Variants in FRS3 observed in about 807,000 individuals in gnomAD.
FRS3 encodes fibroblast growth factor receptor substrate 3.
In FRS3, 17 loss-of-function variants were observed where a neutral mutation model predicts 41.9. That is an observed-to-expected ratio of 0.41 (90% CI 0.28 to 0.61). The LOEUF is 0.61. Among genes scored for constraint, FRS3 ranks in the 20% least tolerant of loss-of-function variants. The pLI, the probability that FRS3 is intolerant of heterozygous loss-of-function variation, is 0.36. For synonymous variants in FRS3, 287 were observed against 274.5 expected (o/e 1.05, Z -0.45); for missense variants, 619 against 672.1 (o/e 0.92, Z 0.87).
intron 4 of FRS3, among the ~76,000 whole-genome samples, chr6:41,773,550 G>A (rs985997230): frequency 2.0e-5 from 3 of 152,018 alleles, no homozygotes; most frequent in Non-Finnish European, 4.4e-5. Context: ...GGATGTGTGT[G>A]TTCAGGGGTC....
chr6:41,770,349 C>T lies in FRS3; in HGVS notation c.*270G>A, dbSNP rs1581965720. ...AAGACAAATGGACAGAACGGGAGGG[C>T]GCTAAACGCAATCACAGGAACCCTT... On this transcript the variant is annotated 3_prime_UTR_variant, in exon 7 of 7. Coordinates refer to ENST00000373018, the MANE Select transcript of FRS3 (RefSeq NM_006653.5). The T allele has an allele frequency of 1.5e-5, 8 of 539,802 alleles. No homozygotes were observed. Among genetic ancestry groups the T allele is most frequent in the East Asian group, 3.1e-5 (1 of 32,180 alleles). 33.4% of individuals were successfully genotyped at this position (539,802 alleles called of 1,614,324 possible).
chr6:41,773,903 A>G (rs1485151830), intron 4 of FRS3, among the ~76,000 whole-genome samples: 4 of 151,998 alleles, frequency 2.6e-5, no homozygotes, highest in South Asian at 2.1e-4. Context: ...GAAAAAAAAC[A>G]AAACCAAAAG....
chr6:41,777,232 G>C (rs141406213), intron 2 of FRS3, among the ~76,000 whole-genome samples: 133 of 152,328 alleles, frequency 8.7e-4, no homozygotes, highest in African/African-American at 3.1e-3. Flanking sequence ...AATGCCGATG[G>C]GGGGCTGGAG....
chr6:41,771,808 G>C lies in FRS3; in HGVS notation c.564+8C>G. The C allele has an allele frequency of 1.3e-6, 2 of 1,550,414 alleles. No homozygotes were observed. ...AACAGGGCAGGGGCTGGCCGGCTGC[G>C]TGCTCACCTGCTCATCAGGAGCAAT... is the stretch of plus-strand genomic sequence containing the variant. On this transcript the variant is annotated splice_region_variant and intron_variant, in intron 6 of 6. Transcript: ENST00000373018.
chr6:41,777,877 G>A, intron 2 of FRS3, 156 bp downstream of exon 2: 1 of 152,464 alleles, frequency 6.6e-6, no homozygotes, highest in Non-Finnish European at 1.5e-5. Flanking sequence ...AGTTTTAAGG[G>A]GTTGCAACTT....
chr6:41,770,517 C>A lies in FRS3; in HGVS notation c.*102G>T. ...TCTGGTCCCACCTCCATGCCTTCTGCAAAGCAACCCTGAACCCTGGGGAGG... is the reference window on the plus strand; with the variant it reads ...TCTGGTCCCACCTCCATGCCTTCTGAAAAGCAACCCTGAACCCTGGGGAGG... On this transcript the variant is annotated 3_prime_UTR_variant, in exon 7 of 7. Transcript: ENST00000373018. The A allele has an allele frequency of 8.1e-7, 1 of 1,229,374 alleles. No individual in the cohort carries two copies. The highest frequency in any genetic ancestry group is 1.2e-6 in the Non-Finnish European group (1 of 851,798). 76.2% of individuals were successfully genotyped at this position (1,229,374 alleles called of 1,614,324 possible).
In FRS3 at chr6:41,771,883, G is replaced by C; in HGVS notation, c.497C>G (p.Thr166Arg). The change falls in exon 6 of 7, where the codon ACA (threonine) becomes AGA (arginine). Residue 166 changes from threonine (T) to arginine (R), a missense_variant. By Grantham distance (71) the Thr-to-Arg change is moderately conservative. Transcript: ENST00000373018. Reference protein sequence around the residue: ...PRFSAPRRLSTSSLRHPSLGE... With the variant: ...PRFSAPRRLSRSSLRHPSLGE... ...AAGCGAGGGGTGCCGCAGGCTGCTT[G>C]TCGAGAGCCGCCGGGGAGCTGAGAA... The C allele has an allele frequency of 1.3e-6, 2 of 1,554,346 alleles. No individual in the cohort carries two copies. The highest frequency in any genetic ancestry group is 1.7e-6 in the Non-Finnish European group (2 of 1,148,498).
At chr6:41,775,634 G>A (rs1162799664) in intron 3 of FRS3, 29 bp from the exon 4 acceptor site, 17 of 1,565,818 alleles carry the variant, frequency 1.1e-5, no homozygotes, top group Non-Finnish European at 1.5e-5. Context: ...AAGGGTCAAT[G>A]AGTGAGTCCA....
intron 6 of FRS3, 41 bp downstream of exon 6, chr6:41,771,775 C>G (rs201303851): frequency 6.5e-7 from 1 of 1,543,260 alleles, no homozygotes; most frequent in Non-Finnish European, 8.7e-7. Flanking sequence ...CTCGTCCCCA[C>G]CCAGACCAAC....
At chr6:41,772,038 G>T in intron 5 of FRS3, 74 bp from the exon 6 acceptor site, 1 of 1,281,590 alleles carries the variant, frequency 7.8e-7, no homozygotes, top group Non-Finnish European at 1.1e-6. Context: ...TGTGTGTGTG[G>T]CATCCTGGGA....
rs1299254362 is a variant in FRS3 at position 41,772,754 on chromosome 6, G to GTGTGTGTGTGTGTGTGTT, written c.415+43_415+44insAACACACACACACACACA. 2.0e-6 allele frequency: 3 copies of GTGTGTGTGTGTGTGTGTT among 1,464,960 alleles called. No individual in the cohort carries two copies. The East Asian group carries it at 6.8e-5, about 33-fold the overall frequency. 90.7% of individuals were successfully genotyped at this position (1,464,960 alleles called of 1,614,324 possible). On this transcript the variant is annotated intron_variant, in intron 5 of 6. Coordinates refer to ENST00000373018, the MANE Select transcript of FRS3 (RefSeq NM_006653.5). ...ATTTGTGCTTCCTGGGCGTGTGTGT[G>GTGTGTGTGTGTGTGTGTT]TGTGTGTGTGTGTGTGTGTGTGTGT...
At chr6:41,776,776 G>C in intron 3 of FRS3, 146 bp downstream of exon 3, 1 of 712,190 alleles carries the variant, frequency 1.4e-6, no homozygotes, top group South Asian at 1.6e-5. Context: ...TACTTGAGAG[G>C]GTGTGAGCTC....
In FRS3 at chr6:41,771,800, C is replaced by A; in HGVS notation, c.564+16G>T. ...CCCAGACCAACAGGGCAGGGGCTGG[C>A]CGGCTGCGTGCTCACCTGCTCATCA... On this transcript the variant is annotated intron_variant, in intron 6 of 6. Transcript: ENST00000373018. The A allele has an allele frequency of 6.5e-7, 1 of 1,549,038 alleles. No individual in the cohort carries two copies. The highest frequency in any genetic ancestry group is 8.7e-7 in the Non-Finnish European group (1 of 1,147,154).
chr6:41,772,800 T>C lies in FRS3; in HGVS notation c.413A>G (p.Asn138Ser), dbSNP rs202097982. The C allele has an allele frequency of 2.4e-5, 38 of 1,577,906 alleles. No homozygotes were observed. The Admixed American group carries it at 5.9e-4, about 24-fold the overall frequency. Residue 138 changes from asparagine to serine, a missense_variant and splice_region_variant, in exon 5 of 7, where the codon AAT (asparagine) becomes AGT (serine). By Grantham distance (46) the Asn-to-Ser change is conservative. This residue lies in a region of FRS3 where 487 missense variants were observed against 478.3 expected (regional missense o/e 1.02). Coordinates refer to ENST00000373018, the MANE Select transcript of FRS3 (RefSeq NM_006653.5). ...LDLPRAPQPP[N>S]ALGYTVSSFS... ...TGTGTACACTGGGGTCTCCTCACCATTGGGTGGCTGGGGGGCTCGAGGGAG... is the reference window on the plus strand; with the variant it reads ...TGTGTACACTGGGGTCTCCTCACCACTGGGTGGCTGGGGGGCTCGAGGGAG...
In FRS3 at chr6:41,772,844, G is replaced by A. The variant is rs368262025; in HGVS notation, c.369C>T (p.Ser123=). The A allele has an allele frequency of 1.9e-5, 30 of 1,613,138 alleles. No homozygotes were observed. The African/African-American group carries it at 3.7e-4, about 20-fold the overall frequency. The change falls in exon 5 of 7, where the codon AGC becomes AGT. Residue 123 remains serine, a synonymous_variant. Coordinates refer to ENST00000373018, the MANE Select transcript of FRS3 (RefSeq NM_006653.5). ...MEEPVIITRN[S]HPAELDLPRA... Reference sequence around the variant, plus strand: ...GAGGGAGGTCAAGCTCAGCGGGGTGGCTATTGCGGGTGATGATGACAGGCT... The same window carrying A: ...GAGGGAGGTCAAGCTCAGCGGGGTGACTATTGCGGGTGATGATGACAGGCT...
At chr6:41,773,871 C>CAA (rs1179470439) in intron 4 of FRS3, among the ~76,000 whole-genome samples, 2 of 132,030 alleles carry the variant, frequency 1.5e-5, no homozygotes, top group African/African-American at 5.7e-5. Flanking sequence ...GACTCTGTCT[C>CAA]AAAAAAAAAG....
chr6:41,775,658 T>C, intron 3 of FRS3, 53 bp from the exon 4 acceptor site: 3 of 1,406,442 alleles, frequency 2.1e-6, no homozygotes, highest in South Asian at 1.2e-5. Flanking sequence ...AGTGTTTGCA[T>C]GGGTCCCTGA....
intron 1 of FRS3, among the ~76,000 whole-genome samples, chr6:41,779,225 C>T (rs1772474723): frequency 6.6e-6 from 1 of 151,964 alleles, no homozygotes; most frequent in African/African-American, 2.4e-5. Context: ...TATCAGATAG[C>T]CCACTGAGGA....
At chr6:41,778,576 A>T (rs548623358) in intron 1 of FRS3, among the ~76,000 whole-genome samples, 1 of 152,256 alleles carries the variant, frequency 6.6e-6, no homozygotes, top group Non-Finnish European at 1.5e-5. Flanking sequence ...GGAAACCAAT[A>T]TATCGGTCAG....
Sources: allele counts gnomAD v4.1 joint callset (sites outside exome capture counted in the v4.1 genomes callset), GRCh38; gene constraint gnomAD v4.1.1; regional missense constraint gnomAD v4.1.1; transcripts MANE v1.5; gene names NCBI Gene and HGNC (gene_info 2026-07-23, HGNC 2026-07-21).